SLC25A21: variants seen among roughly 807,000 people sequenced by gnomAD.
SLC25A21 encodes the protein solute carrier family 25 member 21.
In SLC25A21, 47 loss-of-function variants were observed where a neutral mutation model predicts 43.8. The observed-to-expected ratio is 1.07, with a 90% CI of 0.85 to 1.37. SLC25A21 has a LOEUF of 1.37. Among genes scored for constraint, SLC25A21 ranks in the 40% most tolerant of loss-of-function variants. The probability of loss-of-function intolerance (pLI) is 0.00; values close to 1 mark genes in which losing one functional copy is unlikely to be tolerated. For missense variants in SLC25A21, 352 were observed against 350.2 expected (o/e 1.00, Z -0.04); for synonymous variants, 131 against 121.3 (o/e 1.08, Z -0.52).
chr14:36,893,822 T>C (rs1891158643), intron 1 of SLC25A21, among the ~76,000 whole-genome samples: 1 of 152,170 alleles, frequency 6.6e-6, no homozygotes, highest in Non-Finnish European at 1.5e-5. Context: ...ATTGCCTTTG[T>C]CAGGTTTGTC....
chr14:37,172,517 G>T lies in SLC25A21; in HGVS notation c.-167C>A, dbSNP rs554067851. The T allele has an allele frequency of 1.1e-4, 88 of 774,422 alleles. No homozygotes were observed. Among genetic ancestry groups the T allele is most frequent in the Non-Finnish European group, 4.5e-5 (20 of 443,718 alleles). 48.0% of individuals were successfully genotyped at this position (774,422 alleles called of 1,614,324 possible). A position where few individuals can be genotyped will look rare whatever the true frequency, so the allele number is the denominator to read the frequency against. Reference sequence around the variant, plus strand: ...CTGGAAAGCGAGGGTTCGAGGCGCAGATTCGTCGCGCGATCTCCGGCGCGT... The same window carrying T: ...CTGGAAAGCGAGGGTTCGAGGCGCATATTCGTCGCGCGATCTCCGGCGCGT... On this transcript the variant is annotated 5_prime_UTR_variant, in exon 1 of 10. The change creates a new upstream start codon in the 5' untranslated region. Transcript: ENST00000331299.
intron 1 of SLC25A21, among the ~76,000 whole-genome samples, chr14:37,124,240 C>A (rs1290064662): frequency 3.9e-5 from 6 of 151,920 alleles, no homozygotes; most frequent in Non-Finnish European, 5.9e-5. Context: ...ACTTTGAGAG[C>A]CACATTGGTT....
intron 1 of SLC25A21, among the ~76,000 whole-genome samples, chr14:37,154,941 C>T (rs937615030): frequency 4.6e-5 from 7 of 151,998 alleles, no homozygotes; most frequent in South Asian, 2.1e-4. Context: ...CACGCCCGGC[C>T]GATATCTTTT....
chr14:36,789,328 G>C (rs572943766), intron 3 of SLC25A21, among the ~76,000 whole-genome samples: 1 of 151,862 alleles, frequency 6.6e-6, no homozygotes, highest in East Asian at 1.9e-4. Context: ...TTTTTGGGGA[G>C]GAGAAAATAA....
chr14:36,959,284 A>C (rs1001952674), intron 1 of SLC25A21, among the ~76,000 whole-genome samples: 3 of 152,104 alleles, frequency 2.0e-5, no homozygotes, highest in Non-Finnish European at 4.4e-5. Context: ...GCCTGCTTTG[A>C]CTGTTAGATC....
rs546750755 is a variant in SLC25A21 at position 36,971,522 on chromosome 14, A to C, written c.71-96518T>G. Among the ~76,000 whole-genome samples the C allele has an allele frequency of 2.0e-3, 310 of 152,218 alleles. 2 individuals carry two copies. The highest frequency in any genetic ancestry group is 6.9e-3 in the African/African-American group (288 of 41,538). ...CCTATGTAAATATCAGACCTGGTCA[A>C]GCCAATCTGCGGGCCCTAGATAAAC... On this transcript the variant is annotated intron_variant, in intron 1 of 9. Transcript: ENST00000331299.
intron 1 of SLC25A21, among the ~76,000 whole-genome samples, chr14:37,004,351 A>T (rs1463121419): frequency 6.6e-6 from 1 of 152,210 alleles, no homozygotes; most frequent in Admixed American, 6.5e-5. Flanking sequence ...GCTATTAAAG[A>T]TGTCAAGAAT....
At chr14:37,023,531 A>T (rs75784089) in intron 1 of SLC25A21, among the ~76,000 whole-genome samples, 1,617 of 152,080 alleles carry the variant, frequency 0.011, 11 homozygotes, top group African/African-American at 0.026. Flanking sequence ...AAAGCAAAAA[A>T]ATTTAAGACC....
intron 1 of SLC25A21, among the ~76,000 whole-genome samples, chr14:36,937,472 C>T (rs1158257930): frequency 1.3e-5 from 2 of 152,118 alleles, no homozygotes; most frequent in Non-Finnish European, 2.9e-5. Flanking sequence ...TCCATTGCGG[C>T]CTATTGGTGA....
At chr14:36,922,153 A>G (rs1181405301) in intron 1 of SLC25A21, among the ~76,000 whole-genome samples, 1 of 151,658 alleles carries the variant, frequency 6.6e-6, no homozygotes, top group Non-Finnish European at 1.5e-5. Flanking sequence ...AAAAAAAAAA[A>G]TTGTAGTATA....
intron 1 of SLC25A21, among the ~76,000 whole-genome samples, chr14:37,092,771 CT>C (rs959128444): frequency 1.1e-4 from 16 of 150,910 alleles, no homozygotes; most frequent in African/African-American, 3.2e-4. Context: ...TTTATCCCAC[CT>C]TTTTTTTTAA....
intron 1 of SLC25A21, among the ~76,000 whole-genome samples, chr14:36,895,175 T>A (rs1346828713): frequency 6.6e-6 from 1 of 152,246 alleles, no homozygotes; most frequent in Admixed American, 6.5e-5. Flanking sequence ...GGTCCTGGAC[T>A]TTTTTCGGTT....
chr14:36,905,846 C>T (rs1028515377), intron 1 of SLC25A21, among the ~76,000 whole-genome samples: 1 of 152,082 alleles, frequency 6.6e-6, no homozygotes, highest in African/African-American at 2.4e-5. Flanking sequence ...CCTGAACTGT[C>T]GCCAAACCTG....
At chr14:37,099,600 G>A (rs537515845) in intron 1 of SLC25A21, among the ~76,000 whole-genome samples, 23 of 151,746 alleles carry the variant, frequency 1.5e-4, no homozygotes, top group Admixed American at 5.9e-4. Context: ...CCCCGCCACC[G>A]ACTCCCCCTC....
chr14:36,707,702 T>G (rs1883640264), intron 7 of SLC25A21, among the ~76,000 whole-genome samples: 1 of 152,228 alleles, frequency 6.6e-6, no homozygotes, highest in African/African-American at 2.4e-5. Flanking sequence ...GTTAGCACTG[T>G]CAAAGGAAGT....
chr14:37,138,914 T>A (rs1248819182), intron 1 of SLC25A21, among the ~76,000 whole-genome samples: 1 of 152,126 alleles, frequency 6.6e-6, no homozygotes, highest in Non-Finnish European at 1.5e-5. Flanking sequence ...TATGGTAAAT[T>A]TGCATTCAAA....
intron 6 of SLC25A21, among the ~76,000 whole-genome samples, chr14:36,720,924 G>A (rs1884346676): frequency 6.6e-6 from 1 of 152,204 alleles, no homozygotes; most frequent in Non-Finnish European, 1.5e-5. Flanking sequence ...CAGGCTGAAT[G>A]GATGGCAGTG....
intron 7 of SLC25A21, among the ~76,000 whole-genome samples, chr14:36,710,591 G>A (rs149803401): frequency 2.0e-5 from 3 of 152,042 alleles, no homozygotes; most frequent in Admixed American, 2.0e-4. Context: ...CATCATGCCT[G>A]GGTAATTTTT....
intron 1 of SLC25A21, among the ~76,000 whole-genome samples, chr14:36,967,850 CTG>C (rs999098114): frequency 4.6e-5 from 7 of 151,898 alleles, no homozygotes; most frequent in Admixed American, 6.6e-5. Flanking sequence ...GTGTGTGTGT[CTG>C]TGTGTGTGCG....
Sources: allele counts gnomAD v4.1 joint callset (sites outside exome capture counted in the v4.1 genomes callset), GRCh38; gene constraint gnomAD v4.1.1; transcripts MANE v1.5; gene names NCBI Gene and HGNC (gene_info 2026-07-23, HGNC 2026-07-21).